PRXL2A: variants seen among roughly 807,000 people sequenced by gnomAD.
PRXL2A encodes peroxiredoxin like 2A, also known as peroxiredoxin-like 2A.
Under a neutral mutation model 25.6 loss-of-function variants are expected in PRXL2A, and 26 were observed. The ratio of observed to expected loss-of-function variants is 1.02; its 90% CI spans 0.74 to 1.41. The LOEUF (loss-of-function observed/expected upper bound fraction) is 1.41. Ranked by LOEUF, PRXL2A falls within the 40% of genes most tolerant of loss-of-function variation. PRXL2A has a pLI of 0.00. For missense variants in PRXL2A, 246 were observed against 273.9 expected (o/e 0.90, Z 0.72); for synonymous variants, 98 against 102.9 (o/e 0.95, Z 0.29).
chr10:80,433,713 G>A lies in PRXL2A; in HGVS notation c.*1614G>A, dbSNP rs1057302945. 5.3e-5 allele frequency: 8 copies of A among 152,260 alleles called. No individual in the cohort carries two copies. The highest frequency in any genetic ancestry group is 1.3e-4 in the Admixed American group (2 of 15,288). The allele number at this position is 152,260 out of a possible 1,614,324, so 9.4% of individuals were successfully genotyped here. ...GCAGCATTTGAGGCCATAGCCTTTGGTACTTGCACAGGGTTGGTACCTGTC... is the reference window on the plus strand; with the variant it reads ...GCAGCATTTGAGGCCATAGCCTTTGATACTTGCACAGGGTTGGTACCTGTC... On this transcript the variant is annotated 3_prime_UTR_variant, in exon 6 of 6. Coordinates refer to ENST00000606162, the MANE Select transcript of PRXL2A (RefSeq NM_032333.5).
chr10:80,414,282 C>T (rs549686793), intron 1 of PRXL2A, among the ~76,000 whole-genome samples: 25 of 152,154 alleles, frequency 1.6e-4, no homozygotes, highest in Admixed American at 1.0e-3. Context: ...TCAGATAAGC[C>T]CAGCAGTGGG....
intron 2 of PRXL2A, 61 bp from the exon 3 acceptor site, chr10:80,422,356 C>A: frequency 7.4e-7 from 1 of 1,359,082 alleles, no homozygotes; most frequent in Non-Finnish European, 1.1e-6. Context: ...GGTTCATGAG[C>A]TGCTTAGTGA....
intron 1 of PRXL2A, among the ~76,000 whole-genome samples, chr10:80,416,327 G>A (rs936386028): frequency 4.6e-5 from 7 of 152,336 alleles, no homozygotes; most frequent in African/African-American, 1.4e-4. Context: ...TGTACCAGAG[G>A]TGCGCTGTGC....
chr10:80,422,471 T>C lies in PRXL2A; in HGVS notation c.233T>C (p.Met78Thr). 6.2e-7 allele frequency: 1 copy of C among 1,614,164 alleles called. No individual in the cohort carries two copies. Among genetic ancestry groups the C allele is most frequent in the Non-Finnish European group, 8.5e-7 (1 of 1,180,006 alleles). The change falls in exon 3 of 6, where the codon ATG (methionine) becomes ACG (threonine). Residue 78 changes from methionine (M) to threonine (T), a missense_variant. Coordinates refer to ENST00000606162, the MANE Select transcript of PRXL2A (RefSeq NM_032333.5). ...ELWEKNGAVIMAVRRPGCFLC... is the reference protein window; with the variant it reads ...ELWEKNGAVITAVRRPGCFLC... ...TGGGAAAAAAATGGAGCTGTGATTATGGCCGTGCGGAGGCCAGGCTGTTTC... is the reference window on the plus strand; with the variant it reads ...TGGGAAAAAAATGGAGCTGTGATTACGGCCGTGCGGAGGCCAGGCTGTTTC...
chr10:80,433,907 G>A lies in PRXL2A; in HGVS notation c.*1808G>A, dbSNP rs1845335090. Reference sequence around the variant, plus strand: ...AGCACTTTGGGAAGTCGAGGTAGAAGGATCACTTGAGGTCAGGAGTTCGAG... The same window carrying A: ...AGCACTTTGGGAAGTCGAGGTAGAAAGATCACTTGAGGTCAGGAGTTCGAG... On this transcript the variant is annotated 3_prime_UTR_variant, in exon 6 of 6. Transcript: ENST00000606162. 1 of 152,244 alleles carries A rather than the reference G, an allele frequency of 6.6e-6. No individual in the cohort carries two copies. The highest frequency in any genetic ancestry group is 1.5e-5 in the Non-Finnish European group (1 of 68,088). The allele number at this position is 152,244 out of a possible 1,614,324, so 9.4% of individuals were successfully genotyped here. A position where few individuals can be genotyped will look rare whatever the true frequency, so the allele number is the denominator to read the frequency against.
At chr10:80,429,019 A>C (rs1392224053) in intron 5 of PRXL2A, among the ~76,000 whole-genome samples, 1 of 152,018 alleles carries the variant, frequency 6.6e-6, no homozygotes, top group Non-Finnish European at 1.5e-5. Context: ...CTCCTGCCTC[A>C]GCCTCCTGAG....
chr10:80,436,306 G>A lies in PRXL2A; in HGVS notation c.*4207G>A, dbSNP rs1294961848. 6.6e-6 allele frequency: 1 copy of A among 152,098 alleles called. No individual in the cohort carries two copies. Among genetic ancestry groups the A allele is most frequent in the Non-Finnish European group, 1.5e-5 (1 of 68,040 alleles). 9.4% of individuals were successfully genotyped at this position (152,098 alleles called of 1,614,324 possible). A position where few individuals can be genotyped will look rare whatever the true frequency, so the allele number is the denominator to read the frequency against. ...ATTTTTAAATTTTTTGTAGAGGCAA[G>A]CTCTTATACTATCTTGCACAGGCTG... On this transcript the variant is annotated 3_prime_UTR_variant, in exon 6 of 6. Coordinates refer to ENST00000606162, the MANE Select transcript of PRXL2A (RefSeq NM_032333.5).
At chr10:80,423,591 C>T (rs2131898861) in intron 3 of PRXL2A, among the ~76,000 whole-genome samples, 1 of 152,326 alleles carries the variant, frequency 6.6e-6, no homozygotes, top group South Asian at 2.1e-4. Context: ...CTGCTGGATG[C>T]ATGTGATGCC....
chr10:80,416,713 A>T (rs559661283), intron 1 of PRXL2A, among the ~76,000 whole-genome samples: 4 of 152,220 alleles, frequency 2.6e-5, no homozygotes, highest in Admixed American at 1.3e-4. Flanking sequence ...CTGATGGCCA[A>T]CCAAGCACGA....
In PRXL2A at chr10:80,430,251, G is replaced by A. The variant is rs374500829; in HGVS notation, c.577-1735G>A. On this transcript the variant is annotated intron_variant, in intron 5 of 5. Transcript: ENST00000606162. Reference sequence around the variant, plus strand: ...CGAGTAGCTGGGATTACAGGTACCCGCTGCCATGCCCAGCTAATTTTTGTA... The same window carrying A: ...CGAGTAGCTGGGATTACAGGTACCCACTGCCATGCCCAGCTAATTTTTGTA... Among the ~76,000 whole-genome samples the A allele has an allele frequency of 2.7e-3, 406 of 151,974 alleles. 4 individuals are homozygous for A. The highest frequency in any genetic ancestry group is 9.4e-3 in the African/African-American group (388 of 41,466).
intron 1 of PRXL2A, among the ~76,000 whole-genome samples, chr10:80,412,249 G>T (rs746166075): frequency 4.6e-5 from 7 of 152,088 alleles, no homozygotes; most frequent in Non-Finnish European, 8.8e-5. Flanking sequence ...AAGTCAGATT[G>T]CCCTGCTAGT....
At chr10:80,430,867 A>G (rs901206918) in intron 5 of PRXL2A, among the ~76,000 whole-genome samples, 1 of 151,942 alleles carries the variant, frequency 6.6e-6, no homozygotes, top group African/African-American at 2.4e-5. Flanking sequence ...GTCACTATAT[A>G]TTGTTAGTTT....
At chr10:80,418,829 G>A (rs1252252924) in intron 1 of PRXL2A, among the ~76,000 whole-genome samples, 1 of 152,176 alleles carries the variant, frequency 6.6e-6, no homozygotes, top group African/African-American at 2.4e-5. Context: ...CCACCCACAG[G>A]CACAAGTCTT....
chr10:80,414,674 A>T (rs1844593469), intron 1 of PRXL2A, among the ~76,000 whole-genome samples: 1 of 152,230 alleles, frequency 6.6e-6, no homozygotes, highest in African/African-American at 2.4e-5. Context: ...ACTTGGGTCC[A>T]GGTTGTAGTA....
chr10:80,421,953 A>AC (rs1024143591), intron 2 of PRXL2A, among the ~76,000 whole-genome samples: 10 of 152,146 alleles, frequency 6.6e-5, no homozygotes, highest in Non-Finnish European at 8.8e-5. Context: ...GTACTGTACT[A>AC]CCCCAAAGCA....
Position 80,433,330 on chromosome 10 carries a change from G to A in PRXL2A, c.*1231G>A, listed in dbSNP as rs1021598067. On this transcript the variant is annotated 3_prime_UTR_variant, in exon 6 of 6. Transcript: ENST00000606162. ...TTATCTTTTTTGTTTGAATTTTGTCGTGTAAGTTTGAGTGACATCATCAAG... is the reference window on the plus strand; with the variant it reads ...TTATCTTTTTTGTTTGAATTTTGTCATGTAAGTTTGAGTGACATCATCAAG... 7 of 152,288 alleles carry A rather than the reference G, an allele frequency of 4.6e-5. No homozygotes were observed. The highest frequency in any genetic ancestry group is 3.4e-3 in the Middle Eastern group (1 of 294). The allele number at this position is 152,288 out of a possible 1,614,324, so 9.4% of individuals were successfully genotyped here.
chr10:80,421,775 C>A (rs922856530), intron 2 of PRXL2A, among the ~76,000 whole-genome samples: 2 of 151,986 alleles, frequency 1.3e-5, no homozygotes, highest in African/African-American at 4.8e-5. Context: ...GTGGTGAGCA[C>A]TTTTATATTC....
chr10:80,423,887 T>C (rs1029972844), intron 3 of PRXL2A, among the ~76,000 whole-genome samples: 3 of 152,246 alleles, frequency 2.0e-5, no homozygotes, highest in African/African-American at 4.8e-5. Context: ...TTCTGAAGAC[T>C]ATAGGGGAGA....
chr10:80,426,666 T>G (rs1845052164), intron 4 of PRXL2A, among the ~76,000 whole-genome samples: 1 of 152,146 alleles, frequency 6.6e-6, no homozygotes, highest in Non-Finnish European at 1.5e-5. Flanking sequence ...GTCCCTTAAT[T>G]CATTTATTTC....
Sources: gnomAD v4.1 joint callset for allele counts (sites outside exome capture counted in the v4.1 genomes callset) on GRCh38, gnomAD v4.1.1 for gene constraint, MANE v1.5 for transcripts, NCBI Gene and HGNC (gene_info 2026-07-23, HGNC 2026-07-21) for gene names.